RBFOX3: variants seen among roughly 807,000 people sequenced by gnomAD.
The protein encoded by RBFOX3 is RNA binding fox-1 homolog 3.
In RBFOX3, 17 loss-of-function variants were observed where a neutral mutation model predicts 48.7. The observed-to-expected ratio is 0.35, with a 90% CI of 0.24 to 0.52. The LOEUF is 0.52. Ranked by LOEUF, RBFOX3 falls within the 20% of genes least tolerant of loss-of-function variation. The pLI, the probability that RBFOX3 is intolerant of heterozygous loss-of-function variation, is 0.94. For synonymous variants in RBFOX3, 212 were observed against 209.5 expected, an observed-to-expected ratio of 1.01 and a Z score of -0.10; for missense variants, 382 against 497.5, an observed-to-expected ratio of 0.77 and a Z score of 2.21.
chr17:79,605,414 C>A (rs1221294577), intron 1 of RBFOX3, among the ~76,000 whole-genome samples: 1 of 152,196 alleles, frequency 6.6e-6, no homozygotes, highest in African/African-American at 2.4e-5. Context: ...ACATACCCGG[C>A]CACCTTCCTC....
Position 79,421,793 on chromosome 17 carries a change from G to A in RBFOX3, c.-175+60661C>T, listed in dbSNP as rs1024977612. ...TGGGGAGGTCTCCTTGAGGCCTTGGGACAAGGGCAGAGAGAGAGAAGGGGA... is the reference window on the plus strand; with the variant it reads ...TGGGGAGGTCTCCTTGAGGCCTTGGAACAAGGGCAGAGAGAGAGAAGGGGA... On this transcript the variant is annotated intron_variant, in intron 2 of 14. Transcript: ENST00000693108. This position sits in a 1 kb window ranked among gnomAD's most constrained non-coding sequence, Gnocchi z 4.5. Among the ~76,000 whole-genome samples, 3 of 152,144 alleles carry A rather than the reference G, an allele frequency of 2.0e-5. No individual in the cohort carries two copies. The highest frequency in any genetic ancestry group is 4.4e-5 in the Non-Finnish European group (3 of 68,018).
At chr17:79,121,847 TA>T (rs201267384) in intron 4 of RBFOX3, among the ~76,000 whole-genome samples, 19 of 151,304 alleles carry the variant, frequency 1.3e-4, no homozygotes, top group Admixed American at 3.3e-4. Context: ...GTCTCCAAAT[TA>T]AAAAAAAACA....
At chr17:79,567,864 A>C (rs2144439692) in intron 1 of RBFOX3, among the ~76,000 whole-genome samples, 1 of 152,332 alleles carries the variant, frequency 6.6e-6, no homozygotes, top group Admixed American at 6.5e-5. Context: ...CTTTTCTTCC[A>C]ATTCAACACA....
the RBFOX3 span, among the ~76,000 whole-genome samples, chr17:79,656,318 A>C: frequency 6.3e-4 from 96 of 152,158 alleles, 1 homozygote; most frequent in Non-Finnish European, 2.4e-4. Context: ...GTGCCAATGA[A>C]ACTTTATGGA....
chr17:79,409,849 G>A (rs1473896292), intron 2 of RBFOX3, among the ~76,000 whole-genome samples: 11 of 152,128 alleles, frequency 7.2e-5, no homozygotes, highest in Admixed American at 7.2e-4. Flanking sequence ...GCCTCTGAGA[G>A]ACACCCCCCC....
rs557105374 is a variant in RBFOX3, at chr17:79,279,580, G to C, written c.-74+28144C>G. On this transcript the variant is annotated intron_variant, in intron 3 of 14. Coordinates refer to ENST00000693108, the MANE Select transcript of RBFOX3 (RefSeq NM_001350451.2). Reference sequence around the variant, plus strand: ...CCCAGTCCAAATAACCTATGTGCCAGCCAGTTGTTTCTGGTCACCCTGTCC... The same window carrying C: ...CCCAGTCCAAATAACCTATGTGCCACCCAGTTGTTTCTGGTCACCCTGTCC... Among the ~76,000 whole-genome samples, 40 of 152,344 alleles carry C rather than the reference G, an allele frequency of 2.6e-4. No individual in the cohort carries two copies. The South Asian group carries it at 8.1e-3, about 31-fold the overall frequency.
At position 79,421,942 on chromosome 17, in the gene RBFOX3, A is replaced by T. The variant is rs2066470895; in HGVS notation, c.-175+60512T>A. On this transcript the variant is annotated intron_variant, in intron 2 of 14. Coordinates refer to ENST00000693108, the MANE Select transcript of RBFOX3 (RefSeq NM_001350451.2). This position sits in a 1 kb window ranked among gnomAD's most constrained non-coding sequence, Gnocchi z 4.5. ...AACTGGCCCCATGTTCCACAGGCTC[A>T]GCAGCTCCCAACAGAATTCTAGGTG... Among the ~76,000 whole-genome samples the T allele has an allele frequency of 1.3e-5, 2 of 152,126 alleles. No homozygotes were observed. The highest frequency in any genetic ancestry group is 4.1e-4 in the South Asian group (2 of 4,820).
At chr17:79,437,528 C>A (rs1380268930) in intron 2 of RBFOX3, among the ~76,000 whole-genome samples, 1 of 152,200 alleles carries the variant, frequency 6.6e-6, no homozygotes, top group Non-Finnish European at 1.5e-5. Flanking sequence ...TGGCAGAGCC[C>A]GGGACACCCG....
At chr17:79,228,203 C>T (rs78372257) in intron 4 of RBFOX3, among the ~76,000 whole-genome samples, 3,130 of 152,278 alleles carry the variant, frequency 0.021, 111 homozygotes, top group African/African-American at 0.072. Flanking sequence ...TCCTCCCTGG[C>T]GCTATCCGTG....
chr17:79,315,598 C>T (rs530197885), intron 2 of RBFOX3, among the ~76,000 whole-genome samples: 12 of 152,352 alleles, frequency 7.9e-5, no homozygotes, highest in East Asian at 5.8e-4. Context: ...TGATCTCACA[C>T]GGTTACACTT....
At chr17:79,324,544 C>T (rs566877565) in intron 2 of RBFOX3, among the ~76,000 whole-genome samples, 2 of 152,306 alleles carry the variant, frequency 1.3e-5, no homozygotes, top group African/African-American at 4.8e-5. Flanking sequence ...AGTAGCCCCT[C>T]TGGTGGGCAG....
chr17:79,525,300 C>T (rs2086655567), intron 1 of RBFOX3, among the ~76,000 whole-genome samples: 1 of 152,166 alleles, frequency 6.6e-6, no homozygotes, highest in Non-Finnish European at 1.5e-5. Context: ...GCAAAATCAC[C>T]CCCTAGTTGA....
intron 3 of RBFOX3, among the ~76,000 whole-genome samples, chr17:79,281,335 G>A (rs527821252): frequency 7.2e-5 from 11 of 151,754 alleles, no homozygotes; most frequent in Admixed American, 4.6e-4. Flanking sequence ...AAGGAGCCGC[G>A]GGCTTGTGGG....
At chr17:79,259,582 C>T (rs535311246) in intron 3 of RBFOX3, among the ~76,000 whole-genome samples, 1 of 152,172 alleles carries the variant, frequency 6.6e-6, no homozygotes, top group East Asian at 1.9e-4. Context: ...GGTGAGATGG[C>T]GTTGCCTGGG....
At chr17:79,577,698 C>A (rs949159194) in intron 1 of RBFOX3, among the ~76,000 whole-genome samples, 1 of 152,328 alleles carries the variant, frequency 6.6e-6, no homozygotes, top group South Asian at 2.1e-4. Context: ...TGACTTGTTT[C>A]AGAATTGGCT....
chr17:79,658,965 C>A, the RBFOX3 span, among the ~76,000 whole-genome samples: 36 of 152,168 alleles, frequency 2.4e-4, no homozygotes, highest in Admixed American at 6.5e-4. Flanking sequence ...CATAGGTTTG[C>A]GGAAAGGTTT....
At chr17:79,657,116 C>T in the RBFOX3 span, among the ~76,000 whole-genome samples, 2 of 152,002 alleles carry the variant, frequency 1.3e-5, no homozygotes, top group Admixed American at 1.3e-4. Flanking sequence ...TCAATGGCTC[C>T]CCCACTGCAC....
chr17:79,116,425 G>T (rs28443188), intron 4 of RBFOX3, among the ~76,000 whole-genome samples: 2 of 148,524 alleles, frequency 1.3e-5, no homozygotes, highest in African/African-American at 4.9e-5. Context: ...TGAGGCAGGA[G>T]AATCACTTCA....
intron 9 of RBFOX3, 21 bp downstream of exon 9, chr17:79,101,563 T>TG (rs2076440714): frequency 6.5e-7 from 1 of 1,547,970 alleles, no homozygotes; most frequent in Non-Finnish European, 8.7e-7. Flanking sequence ...AGCAGCCTTG[T>TG]GGGGGGACCC....
Sources: gnomAD v4.1 joint callset for allele counts (sites outside exome capture counted in the v4.1 genomes callset) on GRCh38, gnomAD v4.1.1 for gene constraint, Gnocchi (gnomAD v3.1) non-coding constraint, MANE v1.5 for transcripts, NCBI Gene and HGNC (gene_info 2026-07-23, HGNC 2026-07-21) for gene names.